KLC1: variants seen among roughly 807,000 people sequenced by gnomAD.
KLC1 encodes the protein kinesin 2 60/70kDa.
In KLC1, 30 loss-of-function variants were observed where a neutral mutation model predicts 84.2. The observed-to-expected ratio is 0.36, with a 90% confidence interval of 0.27 to 0.48. The LOEUF is 0.48. Ranked by LOEUF, KLC1 falls within the 20% of genes least tolerant of loss-of-function variation. KLC1 has a pLI of 0.99. For synonymous variants in KLC1, 289 were observed against 293.3 expected (o/e 0.99, Z 0.15); for missense variants, 499 against 805.4 (o/e 0.62, Z 4.60).
At chr14:103,685,785 T>G in intron 13 of KLC1, 1 of 1,246,064 alleles carries the variant, frequency 8.0e-7, no homozygotes, top group Non-Finnish European at 1.0e-6. Flanking sequence ...GGCCATTCCT[T>G]TCGGTGCTGC....
At chr14:103,667,743 C>G (rs1199102521) in intron 5 of KLC1, among the ~76,000 whole-genome samples, 2 of 152,218 alleles carry the variant, frequency 1.3e-5, no homozygotes, top group Non-Finnish European at 2.9e-5. Context: ...TATATTAATA[C>G]GTGGCCAGAA....
At chr14:103,646,291 T>G (rs1043366168) in intron 1 of KLC1, among the ~76,000 whole-genome samples, 1 of 152,092 alleles carries the variant, frequency 6.6e-6, no homozygotes, top group Non-Finnish European at 1.5e-5. Context: ...AAAGGACAGT[T>G]TTAGTGTGTA....
chr14:103,673,124 C>G lies in KLC1; in HGVS notation c.1098C>G (p.Leu366=). 6 of 1,613,978 alleles carry G rather than the reference C, an allele frequency of 3.7e-6. No individual in the cohort carries two copies. Among genetic ancestry groups the G allele is most frequent in the Non-Finnish European group, 5.1e-6 (6 of 1,180,008 alleles). The change falls in exon 8 of 17, where the codon CTC becomes CTG. Residue 366 remains leucine (L), a synonymous_variant. Transcript: ENST00000334553. ...EEVEYYYQRA[L]EIYQTKLGPD... ...TAGAATATTATTATCAAAGAGCCCT[C>G]GAGATCTACCAGACAAAACTGGGAC... is the stretch of plus-strand genomic sequence containing the variant.
chr14:103,695,943 C>T (rs1031844345), intron 15 of KLC1: 1 of 985,322 alleles, frequency 1.0e-6, no homozygotes, highest in African/African-American at 1.7e-5. Flanking sequence ...TCAGCCATTT[C>T]CCATCTGGCG....
Position 103,693,877 on chromosome 14 carries a change from G to C in KLC1, c.1848+1452G>C. The C allele has an allele frequency of 1.5e-6, 2 of 1,345,678 alleles. No homozygotes were observed. The highest frequency in any genetic ancestry group is 1.9e-6 in the Non-Finnish European group (2 of 1,050,170). The allele number at this position is 1,345,678 out of a possible 1,614,324, so 83.4% of individuals were successfully genotyped here. ...AGGCTGGCTCAGGGAGGCCGAGGTG[G>C]CGCTGAGGTGGCTTCAGCACGCTGG... On this transcript the variant is annotated intron_variant, in intron 15 of 16. Coordinates refer to ENST00000334553, the MANE Select transcript of KLC1 (RefSeq NM_001394837.1). This position sits in a 1 kb window ranked among gnomAD's most constrained non-coding sequence, Gnocchi z 5.1.
At chr14:103,699,821 C>T (rs2082980398) in intron 15 of KLC1, 1 of 560,564 alleles carries the variant, frequency 1.8e-6, no homozygotes. Flanking sequence ...CTCTGGCCCC[C>T]CCAGGCAGTC....
intron 14 of KLC1, among the ~76,000 whole-genome samples, 166 bp downstream of exon 14, chr14:103,687,377 G>A (rs2081847141): frequency 6.6e-6 from 1 of 152,166 alleles, no homozygotes; most frequent in African/African-American, 2.4e-5. Flanking sequence ...GTTTTTCCCA[G>A]GATAGGTTGA....
At chr14:103,667,386 CGTGA>C (rs2079958224) in intron 5 of KLC1, among the ~76,000 whole-genome samples, 1 of 151,320 alleles carries the variant, frequency 6.6e-6, no homozygotes, top group East Asian at 1.9e-4. Flanking sequence ...GGATTACAGG[CGTGA>C]GCCACCGTGC....
chr14:103,692,172 G>A (rs895587815), intron 14 of KLC1, among the ~76,000 whole-genome samples, 187 bp from the exon 15 acceptor site: 2 of 152,172 alleles, frequency 1.3e-5, no homozygotes, highest in Admixed American at 6.5e-5. Flanking sequence ...AGAAGCTGTG[G>A]TCTTTTCTCC....
intron 5 of KLC1, among the ~76,000 whole-genome samples, chr14:103,663,495 C>T (rs965826575): frequency 3.9e-5 from 6 of 152,278 alleles, no homozygotes; most frequent in East Asian, 1.9e-4. Flanking sequence ...GCCAGCCAAA[C>T]GAAGCTGTTT....
chr14:103,665,894 G>A (rs1380734560), intron 5 of KLC1, among the ~76,000 whole-genome samples: 4 of 151,870 alleles, frequency 2.6e-5, no homozygotes, highest in African/African-American at 4.8e-5. Context: ...GCTCTATTCC[G>A]TTGGTGGAGA....
At chr14:103,696,755 T>C (rs926666700) in intron 15 of KLC1, 2 of 985,496 alleles carry the variant, frequency 2.0e-6, no homozygotes, top group Non-Finnish European at 2.4e-6. Context: ...TAGTGTTTTA[T>C]AATATGGTGA....
Position 103,675,566 on chromosome 14 carries a change from A to G in KLC1, c.1276A>G (p.Ile426Val). 6.2e-7 allele frequency: 1 copy of G among 1,612,748 alleles called. No individual in the cohort carries two copies. Among genetic ancestry groups the G allele is most frequent in the Non-Finnish European group, 8.5e-7 (1 of 1,179,590 alleles). ...TTCTTCCCTAGATGAAAATAAACCC[A>G]TCTGGATGCATGCTGAAGAAAGAGA... ...FGSVDDENKP[I>V]WMHAEEREEC... Residue 426 changes from isoleucine to valine, a missense_variant, in exon 10 of 17, where the codon ATC (isoleucine) becomes GTC (valine). Physicochemically the swap from Ile to Val is conservative, Grantham distance 29. This residue lies in a region of KLC1 where 153 missense variants were observed against 332.4 expected (regional missense o/e 0.46). Transcript: ENST00000334553.
At chr14:103,699,113 C>A (rs1201338552) in intron 15 of KLC1, 7 of 1,571,342 alleles carry the variant, frequency 4.5e-6, no homozygotes, top group Non-Finnish European at 6.0e-6. Flanking sequence ...GAGGTGCACA[C>A]ACCACATGGC....
In KLC1 at chr14:103,674,419, C is replaced by CTT. The variant is rs71460691; in HGVS notation, c.1261+999_1261+1000dup. Among the ~76,000 whole-genome samples, 70 of 146,746 alleles carry CTT rather than the reference C, an allele frequency of 4.8e-4. 1 individual carries two copies. Among genetic ancestry groups the CTT allele is most frequent in the South Asian group, 4.4e-4 (2 of 4,564 alleles). The stretch of plus-strand genomic sequence containing the variant: ...GAATATTGATTCGTATGCTTGTTTT[C>CTT]TTTTTTTTTTTTGAGGTGGAATTTC... On this transcript the variant is annotated intron_variant, in intron 9 of 16. Transcript: ENST00000334553.
At chr14:103,680,746 C>T (rs1331463101) in intron 13 of KLC1, among the ~76,000 whole-genome samples, 1 of 152,204 alleles carries the variant, frequency 6.6e-6, no homozygotes, top group Non-Finnish European at 1.5e-5. Context: ...GTACTGTACT[C>T]TTCTCTTGGT....
chr14:103,672,993 T>G, intron 7 of KLC1, 21 bp from the exon 8 acceptor site: 2 of 1,611,418 alleles, frequency 1.2e-6, no homozygotes, highest in Non-Finnish European at 1.7e-6. Flanking sequence ...GTGTCTCTAA[T>G]ATGCTGTTTT....
chr14:103,664,212 T>TGCAATCTCAGCTCACC (rs1302635215), intron 5 of KLC1, among the ~76,000 whole-genome samples: 37 of 152,166 alleles, frequency 2.4e-4, no homozygotes, highest in Non-Finnish European at 3.5e-4. Flanking sequence ...AGTGCAGTGG[T>TGCAATCTCAGCTCACC]GCAATCTCAG....
intron 3 of KLC1, among the ~76,000 whole-genome samples, chr14:103,658,727 G>A (rs1933457940): frequency 1.5e-5 from 2 of 132,448 alleles, no homozygotes; most frequent in Non-Finnish European, 3.1e-5. Context: ...GCACGATCTT[G>A]GCTCACTGCA....
Sources: gnomAD v4.1 joint callset for allele counts (sites outside exome capture counted in the v4.1 genomes callset) on GRCh38, gnomAD v4.1.1 for gene constraint, gnomAD v4.1.1 regional missense constraint, Gnocchi (gnomAD v3.1) non-coding constraint, MANE v1.5 for transcripts, NCBI Gene and HGNC (gene_info 2026-07-23, HGNC 2026-07-21) for gene names.